MCTP1: variants seen among roughly 807,000 people sequenced by gnomAD.
MCTP1 encodes the protein multiple C2 and transmembrane domain containing 1.
A neutral mutation model predicts 120.6 loss-of-function variants in MCTP1; 69 were observed. That is an observed-to-expected ratio of 0.57 (90% confidence interval 0.47 to 0.70). The LOEUF (loss-of-function observed/expected upper bound fraction) is 0.70, where lower values mean the gene tolerates loss of function less well. MCTP1 is among the 30% of genes least tolerant of loss of function. MCTP1 has a pLI of 0.00. For synonymous variants in MCTP1, 529 were observed against 493.1 expected (o/e 1.07, Z -0.96); for missense variants, 1,203 against 1,248.8 (o/e 0.96, Z 0.55).
chr5:95,118,908 A>G (rs944532370), intron 1 of MCTP1, among the ~76,000 whole-genome samples: 5 of 152,258 alleles, frequency 3.3e-5, no homozygotes, highest in African/African-American at 1.2e-4. Flanking sequence ...AGAACTAAAG[A>G]GAGAAATAGA....
At chr5:95,185,674 C>T (rs557799704) in intron 1 of MCTP1, among the ~76,000 whole-genome samples, 2 of 151,878 alleles carry the variant, frequency 1.3e-5, no homozygotes, top group South Asian at 2.1e-4. Flanking sequence ...CCCAGCTACT[C>T]GGGAAGCTGA....
intron 1 of MCTP1, among the ~76,000 whole-genome samples, chr5:95,223,949 T>A (rs1338143227): frequency 6.6e-6 from 1 of 152,216 alleles, no homozygotes; most frequent in Non-Finnish European, 1.5e-5. Context: ...CATTTTCTGT[T>A]TTTCTAGACT....
At chr5:94,715,424 TA>T (rs1035228038) in intron 19 of MCTP1, among the ~76,000 whole-genome samples, 3 of 144,390 alleles carry the variant, frequency 2.1e-5, no homozygotes, top group African/African-American at 7.7e-5. Flanking sequence ...ACTATGTGGA[TA>T]CTGCTTAGAT....
intron 2 of MCTP1, among the ~76,000 whole-genome samples, chr5:94,954,646 T>A (rs1581552420): frequency 6.6e-6 from 1 of 152,324 alleles, no homozygotes; most frequent in Admixed American, 6.5e-5. Context: ...CTTGATATCA[T>A]CTGGTCAACT....
At chr5:94,802,161 G>T (rs1489962874) in intron 17 of MCTP1, among the ~76,000 whole-genome samples, 1 of 151,974 alleles carries the variant, frequency 6.6e-6, no homozygotes, top group Non-Finnish European at 1.5e-5. Context: ...CTAATATTTG[G>T]GTAATTGAGT....
intron 7 of MCTP1, among the ~76,000 whole-genome samples, chr5:94,922,496 T>C (rs72775392): frequency 0.23 from 32,886 of 141,358 alleles, 4,477 homozygotes; most frequent in South Asian, 0.37. Flanking sequence ...ATTCCCCCCC[T>C]TTTTTTTTTG....
intron 19 of MCTP1, among the ~76,000 whole-genome samples, chr5:94,753,667 A>T (rs979320226): frequency 1.3e-5 from 2 of 152,246 alleles, no homozygotes; most frequent in Admixed American, 1.3e-4. Flanking sequence ...TGTTCATTCA[A>T]TTATGCCTCT....
At chr5:94,946,634 T>C (rs981266171) in intron 3 of MCTP1, among the ~76,000 whole-genome samples, 14 of 152,132 alleles carry the variant, frequency 9.2e-5, no homozygotes, top group Non-Finnish European at 2.9e-5. Flanking sequence ...GTCCTGGTCT[T>C]GGCTTTAGGA....
intron 1 of MCTP1, among the ~76,000 whole-genome samples, chr5:95,060,036 A>G (rs1748517108): frequency 6.6e-6 from 1 of 152,156 alleles, no homozygotes; most frequent in Non-Finnish European, 1.5e-5. Flanking sequence ...AGAGACATTC[A>G]AGGAGTCATT....
At chr5:94,942,271 A>G in intron 4 of MCTP1, 77 bp downstream of exon 4, 2 of 1,080,540 alleles carry the variant, frequency 1.9e-6, no homozygotes, top group South Asian at 1.3e-5. Flanking sequence ...ACTAGACCCC[A>G]GATCAGCTGA....
At chr5:95,204,084 G>C (rs1751363094) in intron 1 of MCTP1, among the ~76,000 whole-genome samples, 1 of 151,998 alleles carries the variant, frequency 6.6e-6, no homozygotes, top group African/African-American at 2.4e-5. Flanking sequence ...ATAATCTGTG[G>C]GGGGCTCTAT....
chr5:95,115,502 A>C (rs1050934835), intron 1 of MCTP1, among the ~76,000 whole-genome samples: 14 of 152,104 alleles, frequency 9.2e-5, no homozygotes, highest in Non-Finnish European at 5.9e-5. Context: ...TGAAGAATGC[A>C]TCAGAGTCTT....
chr5:95,066,479 C>T (rs967676567), intron 1 of MCTP1, among the ~76,000 whole-genome samples: 1 of 152,154 alleles, frequency 6.6e-6, no homozygotes, highest in Admixed American at 6.5e-5. Flanking sequence ...ATTATATGAT[C>T]CAGCAATCTC....
Position 94,861,629 on chromosome 5 carries a change from T to C in MCTP1, c.2436+6704A>G, listed in dbSNP as rs898298317. ...GCAAAGTACTTTATTTCATAATATG[T>C]TGCAATGGAATATGGCTTGCCAATT... On this transcript the variant is annotated intron_variant, in intron 17 of 22. Coordinates refer to ENST00000515393, the MANE Select transcript of MCTP1 (RefSeq NM_024717.7). Among the ~76,000 whole-genome samples, 3 of 151,982 alleles carry C rather than the reference T, an allele frequency of 2.0e-5. No individual in the cohort carries two copies. The East Asian group carries it at 5.8e-4, about 30-fold the overall frequency.
chr5:94,841,471 T>C (rs1216110769), intron 17 of MCTP1, among the ~76,000 whole-genome samples: 1 of 152,214 alleles, frequency 6.6e-6, no homozygotes, highest in Non-Finnish European at 1.5e-5. Context: ...TGTGGAATTA[T>C]ATTCAGAATA....
chr5:95,172,759 T>A (rs1307233393), intron 1 of MCTP1, among the ~76,000 whole-genome samples: 2 of 152,176 alleles, frequency 1.3e-5, no homozygotes, highest in African/African-American at 2.4e-5. Context: ...GTATCTCTTG[T>A]TCTGTTGTGT....
chr5:95,222,293 C>A (rs1246890674), intron 1 of MCTP1, among the ~76,000 whole-genome samples: 1 of 152,172 alleles, frequency 6.6e-6, no homozygotes, highest in African/African-American at 2.4e-5. Flanking sequence ...AACTAGAAAA[C>A]AAAGTCTTTA....
intron 1 of MCTP1, among the ~76,000 whole-genome samples, chr5:95,190,755 T>C (rs886698580): frequency 1.3e-5 from 2 of 152,122 alleles, no homozygotes; most frequent in Non-Finnish European, 2.9e-5. Flanking sequence ...CCACACATTA[T>C]ATAAGTGCTA....
chr5:94,748,460 T>C (rs1020796943), intron 19 of MCTP1, among the ~76,000 whole-genome samples: 16 of 152,292 alleles, frequency 1.1e-4, no homozygotes, highest in African/African-American at 3.4e-4. Context: ...TTTGACATGG[T>C]TAAATAGGTA....
Sources: allele counts gnomAD v4.1 joint callset (sites outside exome capture counted in the v4.1 genomes callset), GRCh38; gene constraint gnomAD v4.1.1; transcripts MANE v1.5; gene names NCBI Gene and HGNC (gene_info 2026-07-23, HGNC 2026-07-21).